The following PLA2G2F variants were observed in gnomAD, a reference collection of about 807,000 sequenced individuals.
PLA2G2F encodes the protein group IIF secretory phospholipase A2.
A neutral mutation model predicts 15.9 loss-of-function variants in PLA2G2F; 17 were observed. That is an observed-to-expected ratio of 1.07 (90% CI 0.73 to 1.60). The LOEUF (loss-of-function observed/expected upper bound fraction) is 1.60, where lower values mean the gene tolerates loss of function less well. PLA2G2F is among the 40% of genes most tolerant of loss of function. The probability of loss-of-function intolerance (pLI) is 0.00; values close to 1 mark genes in which losing one functional copy is unlikely to be tolerated. For missense variants in PLA2G2F, 299 were observed against 278.2 expected, an observed-to-expected ratio of 1.07 and a Z score of -0.53; for synonymous variants, 119 against 106.5, an observed-to-expected ratio of 1.12 and a Z score of -0.72.
intron 2 of PLA2G2F, chr1:20,140,462 A>T (rs2017435801): frequency 2.0e-6 from 1 of 501,872 alleles, no homozygotes; most frequent in African/African-American, 1.9e-5. Flanking sequence ...AGCATCGTAA[A>T]ATGCTGGTGT....
At chr1:20,144,875 G>A (rs148143706) in intron 4 of PLA2G2F, among the ~76,000 whole-genome samples, 186 bp downstream of exon 4, 1 of 152,276 alleles carries the variant, frequency 6.6e-6, no homozygotes, top group East Asian at 1.9e-4. Context: ...TCAGGAGTTC[G>A]AGACCATCCT....
At position 20,139,367 on chromosome 1, in the gene PLA2G2F, C is replaced by G; in HGVS notation, c.-61C>G. On this transcript the variant is annotated 5_prime_UTR_variant, in exon 1 of 5. Transcript: ENST00000375102. ...TGAAGCTGGGGCCTGCTCCCCGCAG[C>G]CTCTGGAGCGCATCTCAGACCTTCT... 1.5e-6 allele frequency: 2 copies of G among 1,319,334 alleles called. No homozygotes were observed. Among genetic ancestry groups the G allele is most frequent in the East Asian group, 5.0e-5 (2 of 39,748 alleles). 81.7% of individuals were successfully genotyped at this position (1,319,334 alleles called of 1,614,324 possible).
intron 2 of PLA2G2F, chr1:20,141,994 A>G (rs1356741906): frequency 6.6e-6 from 1 of 152,284 alleles, no homozygotes; most frequent in African/African-American, 2.4e-5. Flanking sequence ...CCACTAAGGC[A>G]CATTGAGGTG....
chr1:20,144,653 G>A lies in PLA2G2F; in HGVS notation c.388G>A (p.Asp130Asn), dbSNP rs1557777055. ...QGCHPYVDHY[D>N]HTIENNTEIV... ...CTGTCACCCCTATGTGGACCACTATGATCACACCATCGAGAACAACACTGA... is the reference window on the plus strand; with the variant it reads ...CTGTCACCCCTATGTGGACCACTATAATCACACCATCGAGAACAACACTGA... Residue 130 changes from aspartate to asparagine, a missense_variant, in exon 4 of 5, where the codon GAT becomes AAT. Asp to Asn is a conservative substitution (Grantham distance 23, BLOSUM62 1). Coordinates refer to ENST00000375102, the MANE Select transcript of PLA2G2F (RefSeq NM_022819.4). The A allele has an allele frequency of 6.2e-7, 1 of 1,611,392 alleles. No individual in the cohort carries two copies. The highest frequency in any genetic ancestry group is 1.1e-5 in the South Asian group (1 of 90,366).
At chr1:20,140,294 T>G in intron 2 of PLA2G2F, 76 bp downstream of exon 2, 1 of 1,529,554 alleles carries the variant, frequency 6.5e-7, no homozygotes, top group Non-Finnish European at 9.0e-7. Context: ...GCGCCTGAGT[T>G]ATGGTTCCAC....
intron 3 of PLA2G2F, among the ~76,000 whole-genome samples, chr1:20,144,370 C>T (rs1203851971): frequency 6.6e-6 from 1 of 152,222 alleles, no homozygotes; most frequent in Non-Finnish European, 1.5e-5. Context: ...CTGGCAGGTG[C>T]CAACGAAGCT....
rs2017670028 is a variant in PLA2G2F at position 20,148,809 on chromosome 1, C to A, written c.*408C>A. ...CATCCAGGCCCAGAGCTGGATGCATCCTCGGCCCAAGATCACAGGAAGGCA... is the reference window on the plus strand; with the variant it reads ...CATCCAGGCCCAGAGCTGGATGCATACTCGGCCCAAGATCACAGGAAGGCA... On this transcript the variant is annotated 3_prime_UTR_variant, in exon 5 of 5. Transcript: ENST00000375102. The A allele has an allele frequency of 1.6e-5, 3 of 186,788 alleles. No homozygotes were observed. The Admixed American group carries it at 1.6e-4, about 10-fold the overall frequency. The allele number at this position is 186,788 out of a possible 1,614,324, so 11.6% of individuals were successfully genotyped here. A position where few individuals can be genotyped will look rare whatever the true frequency, so the allele number is the denominator to read the frequency against.
intron 2 of PLA2G2F, chr1:20,140,551 G>A (rs969083048): frequency 4.0e-5 from 12 of 298,766 alleles, no homozygotes; most frequent in Non-Finnish European, 7.6e-5. Context: ...GTGCAGACAG[G>A]CACAGGCATC....
intron 4 of PLA2G2F, among the ~76,000 whole-genome samples, chr1:20,146,585 C>T (rs1323850633): frequency 6.6e-6 from 1 of 152,206 alleles, no homozygotes; most frequent in Non-Finnish European, 1.5e-5. Context: ...CTGTGGGCAA[C>T]CACTGGGCCC....
chr1:20,140,928 T>G (rs942453976), intron 2 of PLA2G2F: 1 of 152,198 alleles, frequency 6.6e-6, no homozygotes, highest in African/African-American at 2.4e-5. Flanking sequence ...ATGTGGCAGG[T>G]GTCCCAGCTC....
Position 20,139,416 on chromosome 1 carries a change from A to G in PLA2G2F, c.-12A>G. The G allele has an allele frequency of 6.5e-7, 1 of 1,549,190 alleles. No individual in the cohort carries two copies. Among genetic ancestry groups the G allele is most frequent in the South Asian group, 1.2e-5 (1 of 84,048 alleles). On this transcript the variant is annotated 5_prime_UTR_variant, in exon 1 of 5. Transcript: ENST00000375102. The stretch of plus-strand genomic sequence containing the variant: ...CTGAGACCTATGTTGCTGGCCCCCC[A>G]GAACCCGCAACATGGCAGATGGGGC...
intron 2 of PLA2G2F, chr1:20,141,011 T>G (rs2017455770): frequency 1.3e-5 from 2 of 152,192 alleles, no homozygotes; most frequent in Admixed American, 1.3e-4. Flanking sequence ...ACAGCCTGGC[T>G]TGAGGAAAAG....
chr1:20,145,614 T>G (rs540366398), intron 4 of PLA2G2F, among the ~76,000 whole-genome samples: 1 of 151,882 alleles, frequency 6.6e-6, no homozygotes, highest in East Asian at 1.9e-4. Flanking sequence ...TTTAATTAAT[T>G]AATTAATTAA....
chr1:20,147,182 A>G (rs1159116133), intron 4 of PLA2G2F, among the ~76,000 whole-genome samples: 1 of 152,146 alleles, frequency 6.6e-6, no homozygotes, highest in Admixed American at 6.5e-5. Context: ...GCACCCAGGA[A>G]CTTGTTAGAA....
At chr1:20,145,703 G>T (rs1270103682) in intron 4 of PLA2G2F, among the ~76,000 whole-genome samples, 1 of 151,168 alleles carries the variant, frequency 6.6e-6, no homozygotes, top group Admixed American at 6.6e-5. Context: ...GCCTTAACCT[G>T]GGCTAAAGTG....
chr1:20,146,814 G>A (rs1224900664), intron 4 of PLA2G2F, among the ~76,000 whole-genome samples: 1 of 152,080 alleles, frequency 6.6e-6, no homozygotes, highest in Non-Finnish European at 1.5e-5. Flanking sequence ...GATAGCAGAT[G>A]CCCCCCTATT....
intron 2 of PLA2G2F, chr1:20,142,433 T>G (rs1210227207): frequency 6.6e-6 from 1 of 152,236 alleles, no homozygotes; most frequent in Non-Finnish European, 1.5e-5. Context: ...TTCCCCCAGG[T>G]AAGGACTGTA....
rs1285928890 is a variant in PLA2G2F at position 20,148,599 on chromosome 1, G to A, written c.*198G>A. 3.3e-6 allele frequency: 2 copies of A among 598,662 alleles called. No individual in the cohort carries two copies. Among genetic ancestry groups the A allele is most frequent in the African/African-American group, 1.9e-5 (1 of 53,782 alleles). 37.1% of individuals were successfully genotyped at this position (598,662 alleles called of 1,614,324 possible). On this transcript the variant is annotated 3_prime_UTR_variant, in exon 5 of 5. Coordinates refer to ENST00000375102, the MANE Select transcript of PLA2G2F (RefSeq NM_022819.4). ...CTCCCCCAGCCCAGCCCCAGGCATG[G>A]GTGCCTCCTGCTGCTGGTTCTGGAC...
chr1:20,143,661 C>A, intron 3 of PLA2G2F, 71 bp downstream of exon 3: 1 of 1,559,212 alleles, frequency 6.4e-7, no homozygotes, highest in Admixed American at 1.8e-5. Context: ...TGACCTTGCC[C>A]TCCATCCCTG....
Sources: allele counts gnomAD v4.1 joint callset (sites outside exome capture counted in the v4.1 genomes callset), GRCh38; gene constraint gnomAD v4.1.1; transcripts MANE v1.5; gene names NCBI Gene and HGNC (gene_info 2026-07-23, HGNC 2026-07-21).